LARP1B: variants seen among roughly 807,000 people sequenced by gnomAD.
The protein encoded by LARP1B is la-related protein 1B.
A neutral mutation model predicts 114.2 loss-of-function variants in LARP1B; 76 were observed. The observed-to-expected ratio is 0.67, with a 90% CI of 0.55 to 0.81. The LOEUF (loss-of-function observed/expected upper bound fraction) is 0.81. Among genes scored for constraint, LARP1B ranks in the 30% least tolerant of loss-of-function variants. LARP1B has a pLI of 0.00. For missense variants in LARP1B, 1,014 were observed against 1,075.8 expected, an observed-to-expected ratio of 0.94 and a Z score of 0.80; for synonymous variants, 345 against 348.0, an observed-to-expected ratio of 0.99 and a Z score of 0.10.
At chr4:128,176,269 A>G (rs75141739) in intron 12 of LARP1B, among the ~76,000 whole-genome samples, 1,651 of 113,988 alleles carry the variant, frequency 0.014, 20 homozygotes, top group Non-Finnish European at 0.019. Context: ...ATATACACAT[A>G]TGTGTGTGTG....
chr4:128,072,277 AG>A (rs1462407420), intron 1 of LARP1B, among the ~76,000 whole-genome samples: 1 of 152,154 alleles, frequency 6.6e-6, no homozygotes, highest in African/African-American at 2.4e-5. Context: ...GTGGGATTAT[AG>A]GCGTGAGCCA....
chr4:128,161,892 C>T (rs561102540), intron 11 of LARP1B, among the ~76,000 whole-genome samples: 38 of 152,156 alleles, frequency 2.5e-4, no homozygotes, highest in African/African-American at 7.0e-4. Context: ...TACTTTGTAA[C>T]GTCTGTAATA....
In LARP1B at chr4:128,209,914, GTAATCGTCA is replaced by G. The variant is rs1758671521; in HGVS notation, c.2609_2617del (p.Asn870_His872del). ...CATTCCTCTACTTCTGGTGAGGAGA[GTAATCGTCA>G]TAGACTTCCACCTAATTCCTCTACA... is the stretch of plus-strand genomic sequence containing the variant. On this transcript the variant is annotated inframe_deletion, in exon 20 of 20. Coordinates refer to ENST00000326639, the MANE Select transcript of LARP1B (RefSeq NM_018078.4). The G allele has an allele frequency of 1.2e-6, 2 of 1,613,850 alleles. No individual in the cohort carries two copies. Among genetic ancestry groups the G allele is most frequent in the Non-Finnish European group, 1.7e-6 (2 of 1,179,912 alleles).
At chr4:128,166,982 A>C (rs1255805074) in intron 12 of LARP1B, among the ~76,000 whole-genome samples, 2 of 146,900 alleles carry the variant, frequency 1.4e-5, no homozygotes, top group South Asian at 2.1e-4. Flanking sequence ...ATATATATAT[A>C]TATATATATA....
At chr4:128,160,522 TTGTGTGTG>T (rs70966082) in intron 11 of LARP1B, among the ~76,000 whole-genome samples, 1 of 150,736 alleles carries the variant, frequency 6.6e-6, no homozygotes, top group East Asian at 1.9e-4. Flanking sequence ...TGTACACTTC[TTGTGTGTG>T]TGTGTGTGTG....
At chr4:128,116,348 G>A (rs1325548588) in intron 10 of LARP1B, among the ~76,000 whole-genome samples, 3 of 152,102 alleles carry the variant, frequency 2.0e-5, no homozygotes, top group Non-Finnish European at 4.4e-5. Context: ...TAACATTGGG[G>A]GAAACCAGGA....
intron 9 of LARP1B, chr4:128,108,331 A>G (rs1782791183): frequency 3.0e-6 from 3 of 1,002,310 alleles, no homozygotes; most frequent in East Asian, 1.0e-4. Flanking sequence ...GTACTTTGCT[A>G]TTCGATTTGC....
chr4:128,082,381 T>A (rs1400359520), intron 5 of LARP1B, 76 bp downstream of exon 5: 7 of 1,312,346 alleles, frequency 5.3e-6, no homozygotes, highest in Non-Finnish European at 6.5e-6. Context: ...TAACCACATG[T>A]ATAAACCATT....
chr4:128,193,933 A>G (rs1753137461), intron 15 of LARP1B, among the ~76,000 whole-genome samples: 1 of 152,030 alleles, frequency 6.6e-6, no homozygotes, highest in African/African-American at 2.4e-5. Context: ...CTCCTTTTAA[A>G]TTGTATTTCA....
At chr4:128,081,712 T>C (rs1770536358) in intron 4 of LARP1B, among the ~76,000 whole-genome samples, 1 of 152,112 alleles carries the variant, frequency 6.6e-6, no homozygotes, top group Non-Finnish European at 1.5e-5. Flanking sequence ...TACAAGGGGA[T>C]TGGGGGTTCT....
At chr4:128,109,964 C>A (rs963155942) in intron 9 of LARP1B, among the ~76,000 whole-genome samples, 1 of 152,044 alleles carries the variant, frequency 6.6e-6, no homozygotes, top group Non-Finnish European at 1.5e-5. Context: ...AGTACAGTGG[C>A]GCAGTCTCGG....
At chr4:128,144,671 G>A (rs899281885) in intron 11 of LARP1B, among the ~76,000 whole-genome samples, 1 of 151,840 alleles carries the variant, frequency 6.6e-6, no homozygotes, top group Non-Finnish European at 1.5e-5. Flanking sequence ...TCTATAGATT[G>A]GACTGTATTT....
At chr4:128,123,132 T>A (rs1200560482) in intron 11 of LARP1B, 1 of 985,296 alleles carries the variant, frequency 1.0e-6, no homozygotes, top group African/African-American at 1.7e-5. Context: ...ACAAGAAGTG[T>A]GCTAGCCTTC....
At position 128,082,184 on chromosome 4, in the gene LARP1B, AC is replaced by A. The variant is rs1252326127; in HGVS notation, c.239del (p.Pro80HisfsTer4). ...TTCAAGCTAATAAGCACAAGTGGGTACCACTCCACTTAGATGTTGTAAGATC... is the reference window on the plus strand; with the variant it reads ...TTCAAGCTAATAAGCACAAGTGGGTACACTCCACTTAGATGTTGTAAGATC... ...RKRANKHKWVPLHLDVVRSES... is the reference protein window; with the variant it reads ...RKRANKHKWVXLHLDVVRSES... On this transcript the variant is annotated frameshift_variant, in exon 5 of 20. Coordinates refer to ENST00000326639, the MANE Select transcript of LARP1B (RefSeq NM_018078.4). LOFTEE classifies it high-confidence loss of function. The A allele has an allele frequency of 6.2e-7, 1 of 1,611,880 alleles. No individual in the cohort carries two copies. The highest frequency in any genetic ancestry group is 8.5e-7 in the Non-Finnish European group (1 of 1,179,812).
At position 128,110,566 on chromosome 4, in the gene LARP1B, A is replaced by G. The variant is rs1318287760; in HGVS notation, c.988+3253A>G. Among the ~76,000 whole-genome samples, 3 of 144,616 alleles carry G rather than the reference A, an allele frequency of 2.1e-5. No individual in the cohort carries two copies. The East Asian group carries it at 6.2e-4, about 30-fold the overall frequency. The allele number at this position is 144,616 out of a possible 152,430, so 94.9% of individuals were successfully genotyped here. On this transcript the variant is annotated intron_variant, in intron 9 of 19. Transcript: ENST00000326639. ...GTGGCGGGCGCCTGTAGTCCCAGCT[A>G]CTTGGGAGGCTGAGGCAGGAGAATG...
rs570634454 is a variant in LARP1B at position 128,063,007 on chromosome 4, T to C, written c.-78+1606T>C. Among the ~76,000 whole-genome samples, 6 of 152,310 alleles carry C rather than the reference T, an allele frequency of 3.9e-5. No individual in the cohort carries two copies. In the South Asian group the frequency reaches 1.2e-3, roughly 32 times the overall value. ...GAGCGTGGATTGCACGTTAGGTAAA[T>C]GGTTTTCTAACATTGTCAGCTCTCC... On this transcript the variant is annotated intron_variant, in intron 1 of 19. Transcript: ENST00000326639.
intron 3 of LARP1B, among the ~76,000 whole-genome samples, chr4:128,076,830 AC>A (rs1006878369): frequency 1.3e-5 from 2 of 150,984 alleles, no homozygotes; most frequent in African/African-American, 2.4e-5. Flanking sequence ...GGCTCAAGTG[AC>A]CCCCCCACCT....
intron 11 of LARP1B, among the ~76,000 whole-genome samples, chr4:128,152,815 T>C (rs1361758676): frequency 6.6e-6 from 1 of 152,074 alleles, no homozygotes; most frequent in African/African-American, 2.4e-5. Context: ...TTCCTGCTTA[T>C]AACCAGCATG....
chr4:128,078,041 C>T lies in LARP1B; in HGVS notation c.217+79C>T, dbSNP rs1009399971. 1.3e-5 allele frequency: 12 copies of T among 921,612 alleles called. No homozygotes were observed. In the African/African-American group the frequency reaches 1.4e-4, roughly 10 times the overall value. 57.1% of individuals were successfully genotyped at this position (921,612 alleles called of 1,614,324 possible). A position where few individuals can be genotyped will look rare whatever the true frequency, so the allele number is the denominator to read the frequency against. On this transcript the variant is annotated intron_variant, in intron 4 of 19. Coordinates refer to ENST00000326639, the MANE Select transcript of LARP1B (RefSeq NM_018078.4). ...GAGGAATTACATTTCATTAACTGAT[C>T]TCTGGTAGTCAAAAATGTATAGTTT...
Sources: gnomAD v4.1 joint callset for allele counts (sites outside exome capture counted in the v4.1 genomes callset) on GRCh38, gnomAD v4.1.1 for gene constraint, MANE v1.5 for transcripts, NCBI Gene and HGNC (gene_info 2026-07-23, HGNC 2026-07-21) for gene names.